The following RAPGEF4 variants were observed in gnomAD, a reference collection of about 807,000 sequenced individuals.
The protein encoded by RAPGEF4 is RAP guanine-nucleotide-exchange factor (GEF) 4.
A neutral mutation model predicts 147.9 loss-of-function variants in RAPGEF4; 66 were observed. That is an observed-to-expected ratio of 0.45 (90% CI 0.37 to 0.55). RAPGEF4 has a LOEUF of 0.55. Ranked by LOEUF, RAPGEF4 falls within the 20% of genes least tolerant of loss-of-function variation. The pLI is 0.00. For synonymous variants in RAPGEF4, 419 were observed against 442.7 expected (o/e 0.95, Z 0.67); for missense variants, 1,071 against 1,257.3 (o/e 0.85, Z 2.24).
chr2:172,884,762 T>A (rs1696996066), intron 4 of RAPGEF4, among the ~76,000 whole-genome samples: 1 of 152,244 alleles, frequency 6.6e-6, no homozygotes, highest in Non-Finnish European at 1.5e-5. Context: ...CCCTGTGATA[T>A]GGTATTATTT....
At chr2:173,029,349 G>A (rs969992029) in intron 25 of RAPGEF4, among the ~76,000 whole-genome samples, 6 of 152,228 alleles carry the variant, frequency 3.9e-5, no homozygotes, top group African/African-American at 9.6e-5. Context: ...GGATTTATGC[G>A]TATTGCAAAA....
intron 1 of RAPGEF4, among the ~76,000 whole-genome samples, chr2:172,779,121 T>A (rs1473314438): frequency 6.6e-6 from 1 of 152,226 alleles, no homozygotes; most frequent in Non-Finnish European, 1.5e-5. Flanking sequence ...ATCTACTATA[T>A]TCCCAACATT....
chr2:172,962,358 A>C (rs1689382303), intron 8 of RAPGEF4, among the ~76,000 whole-genome samples: 1 of 152,178 alleles, frequency 6.6e-6, no homozygotes, highest in Non-Finnish European at 1.5e-5. Context: ...AAAAACTAGA[A>C]TACAAATTTC....
In RAPGEF4 at chr2:172,822,468, TG is replaced by T. The variant is rs576802498; in HGVS notation, c.444+8044del. Among the ~76,000 whole-genome samples, 24 of 152,356 alleles carry T rather than the reference TG, an allele frequency of 1.6e-4. 1 individual carries two copies. In the South Asian group the frequency reaches 5.0e-3, roughly 32 times the overall value. The stretch of plus-strand genomic sequence containing the variant: ...AAGTCCTTGCTGTTTATAGGCATTC[TG>T]TTACATTATTGATAACTAAGAGTTC... On this transcript the variant is annotated intron_variant, in intron 4 of 30. Transcript: ENST00000397081.
At chr2:172,781,942 A>G (rs1684720279) in intron 1 of RAPGEF4, among the ~76,000 whole-genome samples, 1 of 152,178 alleles carries the variant, frequency 6.6e-6, no homozygotes, top group Non-Finnish European at 1.5e-5. Flanking sequence ...TCAGACGCAG[A>G]ACCCACAGAT....
At chr2:172,916,697 A>C (rs2150029383) in intron 4 of RAPGEF4, among the ~76,000 whole-genome samples, 1 of 152,344 alleles carries the variant, frequency 6.6e-6, no homozygotes, top group South Asian at 2.1e-4. Context: ...TTAAAAAGCT[A>C]GTTACATCTT....
chr2:172,981,191 C>G (rs1691643540), intron 10 of RAPGEF4, among the ~76,000 whole-genome samples: 1 of 152,130 alleles, frequency 6.6e-6, no homozygotes, highest in Non-Finnish European at 1.5e-5. Flanking sequence ...CTCTTTTAGC[C>G]AAGCTTCTAG....
chr2:172,860,165 A>G (rs1482749983), intron 4 of RAPGEF4: 2 of 960,876 alleles, frequency 2.1e-6, no homozygotes, highest in African/African-American at 4.0e-5. Context: ...TACATCACTA[A>G]GGGAGAAGCT....
intron 30 of RAPGEF4, among the ~76,000 whole-genome samples, chr2:173,049,407 C>T (rs1177839236): frequency 2.0e-5 from 3 of 152,108 alleles, no homozygotes; most frequent in South Asian, 2.1e-4. Context: ...AAGGTGAACA[C>T]TAAAGGTTTT....
intron 1 of RAPGEF4, among the ~76,000 whole-genome samples, chr2:172,761,471 A>G (rs1039136913): frequency 7.2e-5 from 11 of 152,134 alleles, no homozygotes; most frequent in African/African-American, 2.4e-4. Context: ...AATGTGGGAA[A>G]AAAAAGAATT....
chr2:172,922,180 C>G (rs1684836755), intron 5 of RAPGEF4, 101 bp from the exon 6 acceptor site: 2 of 1,094,142 alleles, frequency 1.8e-6, no homozygotes, highest in Admixed American at 1.8e-5. Flanking sequence ...AAATTGAAAA[C>G]ACTGAAATTT....
chr2:172,879,997 C>G (rs1426701562), intron 4 of RAPGEF4, among the ~76,000 whole-genome samples: 1 of 152,050 alleles, frequency 6.6e-6, no homozygotes, highest in Non-Finnish European at 1.5e-5. Flanking sequence ...GCATGACAGG[C>G]TTTTTTCTGT....
intron 29 of RAPGEF4, among the ~76,000 whole-genome samples, chr2:173,047,898 G>T (rs748389574): frequency 6.6e-6 from 1 of 151,982 alleles, no homozygotes. Flanking sequence ...GGATGGTCTC[G>T]ATCTCCTGAC....
At chr2:172,751,142 T>C (rs1695248620) in intron 1 of RAPGEF4, among the ~76,000 whole-genome samples, 1 of 152,192 alleles carries the variant, frequency 6.6e-6, no homozygotes, top group East Asian at 1.9e-4. Context: ...TCTTCCATCT[T>C]CCCCCACCCA....
chr2:172,860,567 GTTT>G (rs11400519), intron 4 of RAPGEF4, among the ~76,000 whole-genome samples: 1 of 129,562 alleles, frequency 7.7e-6, no homozygotes, highest in Non-Finnish European at 1.7e-5. Context: ...GTTTATTTGG[GTTT>G]TTTTTTTTTT....
intron 10 of RAPGEF4, among the ~76,000 whole-genome samples, chr2:172,983,192 C>T: frequency 6.6e-6 from 1 of 152,116 alleles, no homozygotes; most frequent in Non-Finnish European, 1.5e-5. Flanking sequence ...TTTTTTAGCT[C>T]AATCATCTAC....
chr2:172,840,079 A>G (rs980454111), intron 4 of RAPGEF4, among the ~76,000 whole-genome samples: 1 of 152,160 alleles, frequency 6.6e-6, no homozygotes, highest in Non-Finnish European at 1.5e-5. Context: ...ATAAAATCTT[A>G]CTTCCTCCAT....
At chr2:173,032,639 A>G (rs1323083366) in intron 26 of RAPGEF4, among the ~76,000 whole-genome samples, 1 of 152,148 alleles carries the variant, frequency 6.6e-6, no homozygotes, top group Non-Finnish European at 1.5e-5. Flanking sequence ...CAGCCCTTTG[A>G]ATAGTCTCCC....
At chr2:172,952,639 G>A (rs1158792994) in intron 6 of RAPGEF4, among the ~76,000 whole-genome samples, 2 of 152,136 alleles carry the variant, frequency 1.3e-5, no homozygotes, top group Non-Finnish European at 2.9e-5. Context: ...AGGAAAAAAT[G>A]AACTACTTTG....
Sources: allele counts gnomAD v4.1 joint callset (sites outside exome capture counted in the v4.1 genomes callset), GRCh38; gene constraint gnomAD v4.1.1; transcripts MANE v1.5; gene names NCBI Gene and HGNC (gene_info 2026-07-23, HGNC 2026-07-21).